The following ZBTB20 variants were observed in gnomAD, a reference collection of about 807,000 sequenced individuals.
ZBTB20 encodes zinc finger and BTB domain containing 20.
In ZBTB20, 9 loss-of-function variants were observed where a neutral mutation model predicts 56.9. The ratio of observed to expected loss-of-function variants is 0.16; its 90% confidence interval spans 0.10 to 0.28. The LOEUF (loss-of-function observed/expected upper bound fraction) is 0.28, where lower values mean the gene tolerates loss of function less well. Among genes scored for constraint, ZBTB20 ranks in the 10% least tolerant of loss-of-function variants. The probability of loss-of-function intolerance (pLI) is 1.00; values close to 1 mark genes in which losing one functional copy is unlikely to be tolerated. For synonymous variants in ZBTB20, 417 were observed against 420.7 expected (o/e 0.99, Z 0.11); for missense variants, 655 against 1,003.0 (o/e 0.65, Z 4.69).
At chr3:114,655,304 C>T (rs546197578) in intron 6 of ZBTB20, among the ~76,000 whole-genome samples, 23 of 129,912 alleles carry the variant, frequency 1.8e-4, no homozygotes, top group African/African-American at 7.0e-4. Flanking sequence ...AGACTGCGGA[C>T]TGCAGTGGCG....
At position 115,132,367 on chromosome 3, in the gene ZBTB20, T is replaced by A. The variant is rs537487637; in HGVS notation, c.-703+14852A>T. On this transcript the variant is annotated intron_variant, in intron 1 of 11. Transcript: ENST00000675478. Reference sequence around the variant, plus strand: ...CTCCAGAGCAGAGTTGTTTTCATCTTATCTTTTATCCAACTACCTTATCAA... The same window carrying A: ...CTCCAGAGCAGAGTTGTTTTCATCTAATCTTTTATCCAACTACCTTATCAA... Among the ~76,000 whole-genome samples the A allele has an allele frequency of 1.8e-4, 28 of 152,278 alleles. No homozygotes were observed. In the South Asian group the frequency reaches 4.8e-3, roughly 26 times the overall value.
At chr3:114,940,562 C>A (rs372488210) in intron 3 of ZBTB20, among the ~76,000 whole-genome samples, 1 of 146,106 alleles carries the variant, frequency 6.8e-6, no homozygotes, top group Non-Finnish European at 1.5e-5. Flanking sequence ...TAATGCATAC[C>A]TATCTTCTTA....
intron 6 of ZBTB20, among the ~76,000 whole-genome samples, chr3:114,685,922 A>G (rs1020738867): frequency 6.6e-6 from 1 of 152,216 alleles, no homozygotes; most frequent in Admixed American, 6.5e-5. Context: ...CTAAAAATCC[A>G]GGTCCCTGAA....
intron 4 of ZBTB20, among the ~76,000 whole-genome samples, chr3:114,877,986 C>T (rs998661876): frequency 6.6e-6 from 1 of 151,976 alleles, no homozygotes; most frequent in African/African-American, 2.4e-5. Context: ...TCAGATATAC[C>T]AGGCTCCCTC....
At chr3:114,647,935 T>C (rs1007652942) in intron 6 of ZBTB20, among the ~76,000 whole-genome samples, 9 of 152,172 alleles carry the variant, frequency 5.9e-5, no homozygotes, top group African/African-American at 2.2e-4. Context: ...ACTTCTGTCA[T>C]TGGAAAATAA....
intron 8 of ZBTB20, among the ~76,000 whole-genome samples, chr3:114,383,287 C>T (rs2084623420): frequency 6.6e-6 from 1 of 152,132 alleles, no homozygotes; most frequent in Non-Finnish European, 1.5e-5. Context: ...ATAGACAGGG[C>T]CTAGGATACT....
At chr3:114,926,546 CA>C (rs2076164795) in intron 3 of ZBTB20, among the ~76,000 whole-genome samples, 2 of 151,598 alleles carry the variant, frequency 1.3e-5, no homozygotes, top group South Asian at 2.1e-4. Context: ...CCAAGAGATA[CA>C]AATAAAAATT....
chr3:115,047,666 T>C (rs1052997292), intron 2 of ZBTB20, among the ~76,000 whole-genome samples: 2 of 152,236 alleles, frequency 1.3e-5, no homozygotes, highest in African/African-American at 4.8e-5. Context: ...CTGCAAGTTA[T>C]GTAAAACATA....
rs550518542 is a variant in ZBTB20 at position 114,348,554 on chromosome 3, ACT to A, written c.1804+1718_1804+1719del. 5.9e-5 allele frequency among the ~76,000 whole-genome samples: 9 copies of A among 152,182 alleles called. No homozygotes were observed. In the South Asian group the frequency reaches 1.7e-3, roughly 28 times the overall value. On this transcript the variant is annotated intron_variant, in intron 11 of 11. Coordinates refer to ENST00000675478, the MANE Select transcript of ZBTB20 (RefSeq NM_001348800.3). The stretch of plus-strand genomic sequence containing the variant: ...TTCTTCATAAATTCAGTAGTGAGTC[ACT>A]CTGTTTATTTGGAAGTGTGAATACT...
At chr3:114,409,047 G>GA (rs1245863864) in intron 7 of ZBTB20, among the ~76,000 whole-genome samples, 3 of 144,020 alleles carry the variant, frequency 2.1e-5, no homozygotes, top group South Asian at 2.2e-4. Context: ...TTCATGGCAG[G>GA]AAAAAACCAA....
intron 7 of ZBTB20, among the ~76,000 whole-genome samples, chr3:114,417,360 C>A (rs1343441170): frequency 6.6e-6 from 1 of 152,058 alleles, no homozygotes; most frequent in Non-Finnish European, 1.5e-5. Flanking sequence ...CAAATCTAAG[C>A]TTTGTTTGTG....
chr3:114,658,114 G>A (rs1053558968), intron 6 of ZBTB20, among the ~76,000 whole-genome samples: 1 of 151,978 alleles, frequency 6.6e-6, no homozygotes, highest in Non-Finnish European at 1.5e-5. Flanking sequence ...CCACTCAGTC[G>A]CTAAATATGG....
chr3:114,346,251 G>A (rs1303170338), intron 11 of ZBTB20, among the ~76,000 whole-genome samples: 1 of 152,194 alleles, frequency 6.6e-6, no homozygotes, highest in Non-Finnish European at 1.5e-5. Context: ...CACATGTCAA[G>A]CATGTATTAT....
rs950121681 is a variant in ZBTB20 at position 115,133,691 on chromosome 3, T to C, written c.-703+13528A>G. ...ATGTTTTCAAGGTTCATCCATGTTA[T>C]AGTATGTATCAGTACTTCATTATTT... On this transcript the variant is annotated intron_variant, in intron 1 of 11. Coordinates refer to ENST00000675478, the MANE Select transcript of ZBTB20 (RefSeq NM_001348800.3). Among the ~76,000 whole-genome samples, 5 of 152,218 alleles carry C rather than the reference T, an allele frequency of 3.3e-5. No individual in the cohort carries two copies. In the South Asian group the frequency reaches 6.2e-4, roughly 19 times the overall value.
chr3:115,045,655 T>A (rs971578809), intron 2 of ZBTB20, among the ~76,000 whole-genome samples: 1 of 152,066 alleles, frequency 6.6e-6, no homozygotes, highest in Non-Finnish European at 1.5e-5. Context: ...TGGAAGACTT[T>A]TATAATAGGA....
chr3:114,528,481 A>G (rs1379174274), intron 6 of ZBTB20, among the ~76,000 whole-genome samples: 1 of 152,202 alleles, frequency 6.6e-6, no homozygotes, highest in Non-Finnish European at 1.5e-5. Context: ...GGCTATATTG[A>G]ATTATGATAG....
intron 2 of ZBTB20, chr3:115,027,342 C>T (rs1022490254): frequency 6.0e-5 from 9 of 150,906 alleles, no homozygotes; most frequent in African/African-American, 2.2e-4. Context: ...ATTGACAAGG[C>T]AAGTAAAGAA....
chr3:114,945,965 G>C (rs1472181751), intron 3 of ZBTB20, among the ~76,000 whole-genome samples: 1 of 145,458 alleles, frequency 6.9e-6, no homozygotes, highest in Non-Finnish European at 1.5e-5. Flanking sequence ...AATCTACTAG[G>C]AAGATATCAC....
chr3:114,799,104 A>G (rs1270376684), intron 5 of ZBTB20, among the ~76,000 whole-genome samples: 1 of 151,876 alleles, frequency 6.6e-6, no homozygotes, highest in East Asian at 1.9e-4. Flanking sequence ...ACATTCTGCT[A>G]ATGGTTCCTT....
Sources: allele counts gnomAD v4.1 joint callset (sites outside exome capture counted in the v4.1 genomes callset), GRCh38; gene constraint gnomAD v4.1.1; transcripts MANE v1.5; gene names NCBI Gene and HGNC (gene_info 2026-07-23, HGNC 2026-07-21).